The following TMEM132E variants were observed in gnomAD, a reference collection of about 807,000 sequenced individuals.
TMEM132E encodes the protein transmembrane protein 132E.
In TMEM132E, 49 loss-of-function variants were observed where a neutral mutation model predicts 78.5. The observed-to-expected ratio is 0.62, with a 90% CI of 0.50 to 0.79. The LOEUF (loss-of-function observed/expected upper bound fraction) is 0.79, where lower values mean the gene tolerates loss of function less well. TMEM132E is among the 30% of genes least tolerant of loss of function. The pLI, the probability that TMEM132E is intolerant of heterozygous loss-of-function variation, is 0.00. For synonymous variants in TMEM132E, 715 were observed against 670.6 expected (o/e 1.07, Z -1.02); for missense variants, 1,403 against 1,470.9 (o/e 0.95, Z 0.75).
At chr17:34,606,259 A>C (rs887337332) in intron 1 of TMEM132E, among the ~76,000 whole-genome samples, 1 of 152,218 alleles carries the variant, frequency 6.6e-6, no homozygotes, top group Non-Finnish European at 1.5e-5. Flanking sequence ...AGGCAGGAGA[A>C]TCGCTTGAAC....
intron 8 of TMEM132E, 25 bp downstream of exon 8, chr17:34,636,223 C>G: frequency 6.3e-6 from 9 of 1,435,062 alleles, no homozygotes; most frequent in Non-Finnish European, 8.3e-6. Flanking sequence ...GGCCCACCAG[C>G]CAGGGAGTTG....
Position 34,636,564 on chromosome 17 carries a change from C to T in TMEM132E, c.2169+366C>T, listed in dbSNP as rs180815578. On this transcript the variant is annotated intron_variant, in intron 8 of 8. Coordinates refer to ENST00000631683, the MANE Select transcript of TMEM132E (RefSeq NM_001304438.2). ...AAGTGGAAAGGTGACAGATGAGAGT[C>T]CTGGGGAGTGAGGAGGTGACAGGTG... Among the ~76,000 whole-genome samples the T allele has an allele frequency of 1.8e-3, 273 of 152,122 alleles. 1 individual carries two copies. Among genetic ancestry groups the T allele is most frequent in the Admixed American group, 3.7e-3 (56 of 15,294 alleles).
intron 6 of TMEM132E, 27 bp from the exon 7 acceptor site, chr17:34,634,772 C>T (rs1785118895): frequency 1.3e-6 from 2 of 1,593,562 alleles, no homozygotes; most frequent in Non-Finnish European, 1.7e-6. Context: ...GGTGAGAAGC[C>T]TTCAGCATGG....
At chr17:34,615,549 G>GTGTGTGTGTA (rs1406111590) in intron 1 of TMEM132E, among the ~76,000 whole-genome samples, 4 of 150,536 alleles carry the variant, frequency 2.7e-5, no homozygotes, top group African/African-American at 7.5e-5. Flanking sequence ...GTGTGTGTGT[G>GTGTGTGTGTA]TGTTAGCACA....
chr17:34,619,643 C>A (rs552247384), intron 1 of TMEM132E, among the ~76,000 whole-genome samples: 1 of 152,118 alleles, frequency 6.6e-6, no homozygotes, highest in Non-Finnish European at 1.5e-5. Context: ...TCTTCACCAA[C>A]CCTTCCTACT....
intron 1 of TMEM132E, among the ~76,000 whole-genome samples, chr17:34,608,939 C>G (rs1457188781): frequency 6.6e-6 from 1 of 152,192 alleles, no homozygotes; most frequent in African/African-American, 2.4e-5. Flanking sequence ...TCGCAGCAGA[C>G]AGCCTTAATC....
At chr17:34,589,134 A>G (rs1284584496) in intron 1 of TMEM132E, among the ~76,000 whole-genome samples, 1 of 152,244 alleles carries the variant, frequency 6.6e-6, no homozygotes, top group Non-Finnish European at 1.5e-5. Flanking sequence ...ATTAATACCA[A>G]TGATCAGTTG....
At chr17:34,593,064 A>C (rs1483112543) in intron 1 of TMEM132E, among the ~76,000 whole-genome samples, 1 of 150,960 alleles carries the variant, frequency 6.6e-6, no homozygotes, top group Non-Finnish European at 1.5e-5. Context: ...AGGTGGAATT[A>C]ATTTTAATAG....
chr17:34,581,257 C>T, intron 1 of TMEM132E, 114 bp downstream of exon 1: 1 of 1,001,900 alleles, frequency 1.0e-6, no homozygotes, highest in Non-Finnish European at 1.3e-6. Flanking sequence ...GCCGCCACTC[C>T]GGGTTTGGCG....
intron 6 of TMEM132E, 149 bp from the exon 7 acceptor site, chr17:34,634,650 G>A (rs1223263377): frequency 1.7e-5 from 16 of 916,998 alleles, no homozygotes; most frequent in South Asian, 1.1e-4. Flanking sequence ...TCCCAACTTA[G>A]AGATGGAAGG....
chr17:34,584,498 T>TATAC (rs1490663990), intron 1 of TMEM132E, among the ~76,000 whole-genome samples: 1 of 152,214 alleles, frequency 6.6e-6, no homozygotes, highest in African/African-American at 2.4e-5. Flanking sequence ...GTGTGAGGGG[T>TATAC]ATACATGGGC....
At chr17:34,584,165 C>A (rs1436208644) in intron 1 of TMEM132E, among the ~76,000 whole-genome samples, 1 of 152,244 alleles carries the variant, frequency 6.6e-6, no homozygotes, top group African/African-American at 2.4e-5. Flanking sequence ...CATTTATGAT[C>A]TTGTCCAAAT....
intron 1 of TMEM132E, among the ~76,000 whole-genome samples, chr17:34,620,821 G>A (rs981847579): frequency 2.6e-5 from 4 of 152,200 alleles, no homozygotes; most frequent in Admixed American, 6.5e-5. Context: ...GCTGAGCTGG[G>A]CATGGAAGGA....
At chr17:34,607,778 T>C (rs1224457141) in intron 1 of TMEM132E, among the ~76,000 whole-genome samples, 1 of 151,990 alleles carries the variant, frequency 6.6e-6, no homozygotes, top group Non-Finnish European at 1.5e-5. Context: ...CTATTACCAG[T>C]TTATTATTAA....
chr17:34,635,127 G>A (rs547154694), intron 7 of TMEM132E, 40 bp downstream of exon 7: 24 of 1,543,010 alleles, frequency 1.6e-5, no homozygotes, highest in Middle Eastern at 2.0e-4. Context: ...GGGCAGTGTC[G>A]GGAGCCTTAT....
In TMEM132E at chr17:34,626,256, C is replaced by G. The variant is rs1301971901; in HGVS notation, c.197C>G (p.Pro66Arg). Residue 66 changes from proline to arginine, a missense_variant, in exon 2 of 9, where the codon CCC becomes CGC. Around this residue, in one of 3 missense-constraint regions of TMEM132E, gnomAD observed 511 missense variants for 499.0 expected, o/e 1.02. Transcript: ENST00000631683. ...CTGCGGGAGGCGCGGCCCCCGTCACCCGCGGTCGCCAACAGCTCTCTGCAG... is the reference window on the plus strand; with the variant it reads ...CTGCGGGAGGCGCGGCCCCCGTCACGCGCGGTCGCCAACAGCTCTCTGCAG... ...FFLREARPPS[P>R]AVANSSLQRS... 5.1e-5 allele frequency: 82 copies of G among 1,602,108 alleles called. No homozygotes were observed. The highest frequency in any genetic ancestry group is 6.7e-5 in the Non-Finnish European group (79 of 1,175,042).
At chr17:34,620,400 T>A (rs1490101606) in intron 1 of TMEM132E, among the ~76,000 whole-genome samples, 1 of 152,358 alleles carries the variant, frequency 6.6e-6, no homozygotes, top group East Asian at 1.9e-4. Context: ...GGGAGGGCAG[T>A]GTTCAGGGCC....
intron 6 of TMEM132E, among the ~76,000 whole-genome samples, chr17:34,633,215 A>T (rs924780188): frequency 1.1e-4 from 16 of 152,246 alleles, no homozygotes; most frequent in African/African-American, 3.9e-4. Context: ...ATCAAGTGGC[A>T]CAAGGAGAGA....
chr17:34,627,544 A>T (rs566262997), intron 2 of TMEM132E, among the ~76,000 whole-genome samples: 41 of 145,400 alleles, frequency 2.8e-4, no homozygotes, highest in African/African-American at 9.9e-4. Context: ...TGGGAGAAAA[A>T]TTTTCAGAAT....
Sources: gnomAD v4.1 joint callset for allele counts (sites outside exome capture counted in the v4.1 genomes callset) on GRCh38, gnomAD v4.1.1 for gene constraint, gnomAD v4.1.1 regional missense constraint, MANE v1.5 for transcripts, NCBI Gene and HGNC (gene_info 2026-07-23, HGNC 2026-07-21) for gene names.